The following STRN3 variants were observed in gnomAD, a reference collection of about 807,000 sequenced individuals.
STRN3 encodes the protein striatin-3.
In STRN3, 29 loss-of-function variants were observed where a neutral mutation model predicts 95.6. That is an observed-to-expected ratio of 0.30 (90% CI 0.23 to 0.41). The LOEUF (loss-of-function observed/expected upper bound fraction) is 0.41, where lower values mean the gene tolerates loss of function less well. Ranked by LOEUF, STRN3 falls within the 10% of genes least tolerant of loss-of-function variation. The pLI, the probability that STRN3 is intolerant of heterozygous loss-of-function variation, is 1.00. For synonymous variants in STRN3, 331 were observed against 357.6 expected (o/e 0.93, Z 0.84); for missense variants, 890 against 972.1 (o/e 0.92, Z 1.12).
intron 7 of STRN3, among the ~76,000 whole-genome samples, chr14:30,931,417 A>G (rs1485536791): frequency 6.6e-6 from 1 of 152,230 alleles, no homozygotes; most frequent in African/African-American, 2.4e-5. Flanking sequence ...TATGCGTAAG[A>G]AAGTTGACTC....
At chr14:30,965,901 C>T (rs928994366) in intron 1 of STRN3, among the ~76,000 whole-genome samples, 6 of 152,012 alleles carry the variant, frequency 3.9e-5, no homozygotes, top group Admixed American at 2.0e-4. Context: ...GTATGTTCCA[C>T]TCTTTGCCTT....
At chr14:30,939,108 T>C (rs1297678407) in intron 5 of STRN3, among the ~76,000 whole-genome samples, 1 of 152,210 alleles carries the variant, frequency 6.6e-6, no homozygotes, top group Non-Finnish European at 1.5e-5. Flanking sequence ...ATCAGGTAGA[T>C]GTTACACTTA....
chr14:30,969,958 G>A (rs1301322653), intron 1 of STRN3, among the ~76,000 whole-genome samples: 1 of 152,034 alleles, frequency 6.6e-6, no homozygotes, highest in East Asian at 1.9e-4. Flanking sequence ...AGCGAAAAAG[G>A]GATGGACTCA....
intron 1 of STRN3, among the ~76,000 whole-genome samples, chr14:30,991,025 T>A (rs754329262): frequency 6.6e-6 from 1 of 152,210 alleles, no homozygotes; most frequent in African/African-American, 2.4e-5. Context: ...ATTAACATCA[T>A]CACAGCTTAC....
chr14:30,958,550 T>TTTG (rs969043044), intron 1 of STRN3, among the ~76,000 whole-genome samples: 4 of 152,266 alleles, frequency 2.6e-5, no homozygotes, highest in East Asian at 1.9e-4. Context: ...GTGTTGGCTG[T>TTTG]TTGTTGTTGT....
chr14:30,945,569 G>A (rs539684026), intron 5 of STRN3, among the ~76,000 whole-genome samples: 1 of 152,148 alleles, frequency 6.6e-6, no homozygotes, highest in East Asian at 1.9e-4. Flanking sequence ...TCATGCCACT[G>A]TACTCCAGCC....
intron 1 of STRN3, among the ~76,000 whole-genome samples, chr14:30,976,763 G>C (rs1881122633): frequency 6.6e-6 from 1 of 152,222 alleles, no homozygotes. Context: ...ACTTGTAAGT[G>C]AAACACTGGT....
chr14:30,894,908 T>TTTA lies in STRN3; in HGVS notation c.*502_*503insTAA. The TTTA allele has an allele frequency of 9.5e-7, 1 of 1,054,570 alleles. No individual in the cohort carries two copies. 65.3% of individuals were successfully genotyped at this position (1,054,570 alleles called of 1,614,324 possible). A position where few individuals can be genotyped will look rare whatever the true frequency, so the allele number is the denominator to read the frequency against. On this transcript the variant is annotated 3_prime_UTR_variant, in exon 18 of 18. Coordinates refer to ENST00000357479, the MANE Select transcript of STRN3 (RefSeq NM_001083893.2). ...TTTTCTTTTTCTTTTTTTTTTTTTT[T>TTTA]AAAGCAAAATAAGTTTAAAAGGGAA...
chr14:30,918,812 A>G (rs1019096047), intron 9 of STRN3, among the ~76,000 whole-genome samples, 154 bp downstream of exon 9: 3 of 152,202 alleles, frequency 2.0e-5, no homozygotes, highest in African/African-American at 7.2e-5. Flanking sequence ...CAAAATCCCT[A>G]AATTAGTTAC....
intron 1 of STRN3, among the ~76,000 whole-genome samples, chr14:30,973,025 A>G (rs1176923637): frequency 6.6e-6 from 1 of 152,234 alleles, no homozygotes; most frequent in Non-Finnish European, 1.5e-5. Context: ...CCTCGCCAAC[A>G]TGGTGAAATC....
rs747810814 is a variant in STRN3 at position 30,936,529 on chromosome 14, T to C, written c.812A>G (p.Glu271Gly). 11 of 1,613,600 alleles carry C rather than the reference T, an allele frequency of 6.8e-6. No homozygotes were observed. In the South Asian group the frequency reaches 1.1e-4, roughly 16 times the overall value. The part of the protein sequence containing the change: ...EENDMIEGIP[E>G]GKDKHRMNKH... Reference sequence around the variant, plus strand: ...ATTCATCCGATGTTTGTCTTTTCCTTCTGGGATGCCTTCGATCATGTCATT... The same window carrying C: ...ATTCATCCGATGTTTGTCTTTTCCTCCTGGGATGCCTTCGATCATGTCATT... The change falls in exon 6 of 18, where the codon GAA (glutamate) becomes GGA (glycine). Residue 271 changes from glutamate to glycine, a missense_variant. By Grantham distance (98) the Glu-to-Gly change is moderately conservative (BLOSUM62 -2). Transcript: ENST00000357479.
At chr14:30,920,823 A>C (rs1896860591) in intron 8 of STRN3, among the ~76,000 whole-genome samples, 1 of 152,128 alleles carries the variant, frequency 6.6e-6, no homozygotes, top group South Asian at 2.1e-4. Flanking sequence ...AAGTAGCAGC[A>C]CTTCCACACT....
At position 30,911,798 on chromosome 14, in the gene STRN3, A is replaced by G; in HGVS notation, c.1577T>C (p.Ile526Thr). The G allele has an allele frequency of 6.2e-7, 1 of 1,609,338 alleles. No individual in the cohort carries two copies. The change falls in exon 12 of 18, where the codon ATC becomes ACC. Residue 526 changes from isoleucine (I) to threonine (T), a missense_variant. Physicochemically the swap from Ile to Thr is moderately conservative, Grantham distance 89 (BLOSUM62 -1). Transcript: ENST00000357479. ...KKSASLDVEP[I>T]YTFRAHIGPV... ...TTACATGTGGGCCCTAAATGTGTAG[A>G]TAGGCTCTACATCTAAAGAGGCACT...
At chr14:30,934,273 A>C (rs1878706789) in intron 7 of STRN3, among the ~76,000 whole-genome samples, 1 of 152,168 alleles carries the variant, frequency 6.6e-6, no homozygotes, top group Admixed American at 6.5e-5. Flanking sequence ...GCAGTGAGCC[A>C]AGATTGCACC....
At chr14:30,971,023 C>T (rs926301493) in intron 1 of STRN3, among the ~76,000 whole-genome samples, 1 of 152,226 alleles carries the variant, frequency 6.6e-6, no homozygotes, top group East Asian at 1.9e-4. Flanking sequence ...GGTCAGCCCC[C>T]GAGGGCCATC....
Position 30,929,216 on chromosome 14 carries a change from T to C in STRN3, c.1084A>G (p.Lys362Glu). ...CTGCACTTACTCTTCACCCCTTTCT[T>C]CCCCTTTCGTTCCTTCTTGTACTGT... The part of the protein sequence containing the change: ...KEQYKKERKG[K>E]KGVKRANRTK... Residue 362 changes from lysine to glutamate, a missense_variant, in exon 8 of 18, where the codon AAG (lysine) becomes GAG (glutamate). Physicochemically the swap from Lys to Glu is moderately conservative, Grantham distance 56. Transcript: ENST00000357479. 1 of 1,609,708 alleles carries C rather than the reference T, an allele frequency of 6.2e-7. No individual in the cohort carries two copies. The highest frequency in any genetic ancestry group is 1.1e-5 in the South Asian group (1 of 90,090).
At chr14:30,917,232 C>G (rs192304482) in intron 9 of STRN3, among the ~76,000 whole-genome samples, 1 of 152,270 alleles carries the variant, frequency 6.6e-6, no homozygotes, top group Admixed American at 6.5e-5. Context: ...TATCAAATCT[C>G]TCCCCTCGCC....
At chr14:30,911,293 TAC>T in intron 12 of STRN3, 131 bp from the exon 13 acceptor site, 2 of 800,250 alleles carry the variant, frequency 2.5e-6, no homozygotes, top group Non-Finnish European at 1.8e-6. Flanking sequence ...ACCTGACTGG[TAC>T]TTTTTTTTTT....
intron 9 of STRN3, among the ~76,000 whole-genome samples, chr14:30,914,974 T>C (rs770973629): frequency 2.0e-5 from 3 of 152,240 alleles, no homozygotes; most frequent in Non-Finnish European, 4.4e-5. Context: ...GTAACAGTCA[T>C]AGTTTAAGCA....
Sources: allele counts gnomAD v4.1 joint callset (sites outside exome capture counted in the v4.1 genomes callset), GRCh38; gene constraint gnomAD v4.1.1; transcripts MANE v1.5; gene names NCBI Gene and HGNC (gene_info 2026-07-23, HGNC 2026-07-21).